BRS3: variants seen among roughly 807,000 people sequenced by gnomAD.
BRS3 encodes the protein bombesin receptor subtype-3.
A neutral mutation model predicts 18.8 loss-of-function variants in BRS3; 5 were observed. That is an observed-to-expected ratio of 0.27 (90% CI 0.14 to 0.56). The LOEUF is 0.56. Among genes scored for constraint, BRS3 ranks in the 20% least tolerant of loss-of-function variants. The pLI, the probability that BRS3 is intolerant of heterozygous loss-of-function variation, is 0.93. For synonymous variants in BRS3, 121 were observed against 115.0 expected, an observed-to-expected ratio of 1.05 and a Z score of -0.33; for missense variants, 215 against 296.3, an observed-to-expected ratio of 0.73 and a Z score of 2.01.
Position 136,491,942 on chromosome X carries a change from T to G in BRS3, c.787-20T>G. The G allele has an allele frequency of 1.9e-6, 1 of 535,101 alleles. No individual in the cohort carries two copies. The highest frequency in any genetic ancestry group is 2.7e-5 in the African/African-American group (1 of 37,493). 44.1% of individuals were successfully genotyped at this position (535,101 alleles called of 1,213,427 possible). On this transcript the variant is annotated intron_variant, in intron 2 of 2. Transcript: ENST00000370648. Reference sequence around the variant, plus strand: ...TTTTTTTTTTTTTTTTTTTTTTTGCTATGTTTCTTCCCCCTATAGATTGAA... The same window carrying G: ...TTTTTTTTTTTTTTTTTTTTTTTGCGATGTTTCTTCCCCCTATAGATTGAA...
In BRS3 at chrX:136,491,496, G is replaced by A. The variant is rs138232167; in HGVS notation, c.787-466G>A. Among the ~76,000 whole-genome samples the A allele has an allele frequency of 9.8e-3, 1,109 of 112,622 alleles. 9 individuals carry two copies. The highest frequency in any genetic ancestry group is 0.014 in the Non-Finnish European group (757 of 53,309). The stretch of plus-strand genomic sequence containing the variant: ...AGAGTAAAAACAATTTTAGTTACCA[G>A]CTTGGCAACTTTCATAGACCTCAAA... On this transcript the variant is annotated intron_variant, in intron 2 of 2. Transcript: ENST00000370648.
At chrX:136,491,848 A>G (rs1352778806) in intron 2 of BRS3, 114 bp from the exon 3 acceptor site, 23 of 798,178 alleles carry the variant, frequency 2.9e-5, no homozygotes, top group Non-Finnish European at 3.8e-5. Flanking sequence ...GTAAATTTAT[A>G]GGATAACTTT....
intron 2 of BRS3, 49 bp from the exon 3 acceptor site, chrX:136,491,913 G>GGTTTT (rs2075670791): frequency 6.9e-6 from 3 of 436,965 alleles, no homozygotes; most frequent in African/African-American, 8.1e-5. Context: ...TGTTTTTTGT[G>GGTTTT]TTTTTTTTTT....
chrX:136,490,536 T>C, intron 2 of BRS3, 52 bp downstream of exon 2: 2 of 969,482 alleles, frequency 2.1e-6, no homozygotes, highest in Non-Finnish European at 2.8e-6. Flanking sequence ...AGAAGTGAAG[T>C]TCCTACTTTT....
chrX:136,488,256 T>C lies in BRS3; in HGVS notation c.142T>C (p.Cys48Arg). 8.3e-7 allele frequency: 1 copy of C among 1,211,963 alleles called. No homozygotes were observed. Among genetic ancestry groups the C allele is most frequent in the Non-Finnish European group, 1.1e-6 (1 of 895,540 alleles). ...CAACTCTCCAGGAATAGAAGCATTG[T>C]GTGCCATCTATATTACTTATGCTGT... ...GDNSPGIEAL[C>R]AIYITYAVII... The change falls in exon 1 of 3, where the codon TGT (cysteine) becomes CGT (arginine). Residue 48 changes from cysteine to arginine, a missense_variant. This residue lies in a region of BRS3 where 47 missense variants were observed against 43.1 expected (regional missense o/e 1.09). Coordinates refer to ENST00000370648, the MANE Select transcript of BRS3 (RefSeq NM_001727.2).
At position 136,490,246 on chromosome X, in the gene BRS3, C is replaced by T. The variant is rs2075664586; in HGVS notation, c.548C>T (p.Ala183Val). The change falls in exon 2 of 3, where the codon GCT (alanine) becomes GTT (valine). Residue 183 changes from alanine (A) to valine (V), a missense_variant. Transcript: ENST00000370648. ...TCTATGATATTTGCTCTACCTGAGG[C>T]TATATTTTCAAATGTATACACTTTT... Reference protein sequence around the residue: ...IVSMIFALPEAIFSNVYTFRD... With the variant: ...IVSMIFALPEVIFSNVYTFRD... The T allele has an allele frequency of 2.5e-6, 3 of 1,211,080 alleles. No individual in the cohort carries two copies. In the South Asian group the frequency reaches 5.3e-5, roughly 21 times the overall value.
Position 136,492,210 on chromosome X carries a change from G to C in BRS3, c.1035G>C (p.Leu345Phe). The change falls in exon 3 of 3, where the codon TTG (leucine) becomes TTC (phenylalanine). Residue 345 changes from leucine to phenylalanine, a missense_variant. Leu to Phe is a conservative substitution (Grantham distance 22). Transcript: ENST00000370648. ...KSFQKHFKAQ[L>F]FCCKAERPEP... ...TCCAGAAGCATTTTAAAGCTCAGTT[G>C]TTCTGTTGCAAGGCGGAGCGGCCTG... 1.7e-6 allele frequency: 2 copies of C among 1,211,656 alleles called. No homozygotes were observed. The highest frequency in any genetic ancestry group is 2.2e-6 in the Non-Finnish European group (2 of 895,556).
rs773127350 is a variant in BRS3, at chrX:136,488,919, A to G, written c.434+371A>G. ...GCAGCCTAGTGGTGCAATATAGTCAACATGAAAACCAGGATAGGTGTGAAA... is the reference window on the plus strand; with the variant it reads ...GCAGCCTAGTGGTGCAATATAGTCAGCATGAAAACCAGGATAGGTGTGAAA... On this transcript the variant is annotated intron_variant, in intron 1 of 2. Transcript: ENST00000370648. Among the ~76,000 whole-genome samples the G allele has an allele frequency of 6.2e-5, 7 of 112,344 alleles. No individual in the cohort carries two copies. The South Asian group carries it at 2.6e-3, about 41-fold the overall frequency.
intron 2 of BRS3, 49 bp from the exon 3 acceptor site, chrX:136,491,913 G>GTTTTTTTTTGTT (rs2075671147): frequency 4.6e-6 from 2 of 431,735 alleles, no homozygotes; most frequent in Non-Finnish European, 2.8e-6. Context: ...TGTTTTTTGT[G>GTTTTTTTTTGTT]TTTTTTTTTT....
At position 136,490,217 on chromosome X, in the gene BRS3, C is replaced by A; in HGVS notation, c.519C>A (p.Ile173=). The A allele has an allele frequency of 8.3e-7, 1 of 1,211,030 alleles. No individual in the cohort carries two copies. Among genetic ancestry groups the A allele is most frequent in the Non-Finnish European group, 1.1e-6 (1 of 894,905 alleles). ...KTCVKAGCVW[I]VSMIFALPEA... ...GTGTAAAAGCTGGCTGCGTCTGGATCGTGTCTATGATATTTGCTCTACCTG... is the reference window on the plus strand; with the variant it reads ...GTGTAAAAGCTGGCTGCGTCTGGATAGTGTCTATGATATTTGCTCTACCTG... The change falls in exon 2 of 3, where the codon ATC becomes ATA. Residue 173 remains isoleucine, a synonymous_variant. Transcript: ENST00000370648.
intron 2 of BRS3, 41 bp from the exon 3 acceptor site, chrX:136,491,921 T>TG: frequency 1.7e-6 from 1 of 596,523 alleles, no homozygotes; most frequent in East Asian, 5.2e-5. Flanking sequence ...GTGTTTTTTT[T>TG]TTTTTTTTTT....
chrX:136,492,588 C>T lies in BRS3; in HGVS notation c.*213C>T, dbSNP rs1471157630. On this transcript the variant is annotated 3_prime_UTR_variant, in exon 3 of 3. Coordinates refer to ENST00000370648, the MANE Select transcript of BRS3 (RefSeq NM_001727.2). ...GCTTTCTAAATAAAATGAAGCCCCA[C>T]TAAGTGCAGAAAGACAAGTTTATAT... 8.6e-6 allele frequency: 3 copies of T among 350,668 alleles called. No individual in the cohort carries two copies. The highest frequency in any genetic ancestry group is 5.2e-5 in the African/African-American group (2 of 38,440). 28.9% of individuals were successfully genotyped at this position (350,668 alleles called of 1,213,427 possible). A position where few individuals can be genotyped will look rare whatever the true frequency, so the allele number is the denominator to read the frequency against.
Position 136,492,536 on chromosome X carries a change from TCAAAGTA to T in BRS3, c.*166_*172del. On this transcript the variant is annotated 3_prime_UTR_variant, in exon 3 of 3. Transcript: ENST00000370648. ...AGTAAAATACAAACCATTACTTTCT[TCAAAGTA>T]CAAATAGTAATGTCATCGGGCTTTC... 2 of 477,731 alleles carry T rather than the reference TCAAAGTA, an allele frequency of 4.2e-6. No homozygotes were observed. The highest frequency in any genetic ancestry group is 4.8e-5 in the African/African-American group (2 of 41,870). The allele number at this position is 477,731 out of a possible 1,213,427, so 39.4% of individuals were successfully genotyped here.
In BRS3 at chrX:136,492,392, G is replaced by A. The variant is rs377248590; in HGVS notation, c.*17G>A. 1 of 1,189,984 alleles carries A rather than the reference G, an allele frequency of 8.4e-7. No individual in the cohort carries two copies. The highest frequency in any genetic ancestry group is 1.7e-5 in the African/African-American group (1 of 57,568). On this transcript the variant is annotated 3_prime_UTR_variant, in exon 3 of 3. Coordinates refer to ENST00000370648, the MANE Select transcript of BRS3 (RefSeq NM_001727.2). ...AGATTCTAGCTTTTCAAGGAAAAAT[G>A]CTGCTTCTCCTCCCAGCGTGTGTAT...
chrX:136,489,696 A>G (rs2075663162), intron 1 of BRS3, among the ~76,000 whole-genome samples: 2 of 111,548 alleles, frequency 1.8e-5, no homozygotes, highest in African/African-American at 6.5e-5. Flanking sequence ...GAAGGTTGAT[A>G]ACTGTTCACT....
At position 136,493,698 on chromosome X, in the gene BRS3, G is replaced by C. The variant is rs914221659; in HGVS notation, c.*1323G>C. ...TGGTTTACTTAAAGTTGGGCGGGGG[G>C]TGTGATACTGTATTAGTATTGTTTT... On this transcript the variant is annotated 3_prime_UTR_variant, in exon 3 of 3. Transcript: ENST00000370648. 3 of 111,991 alleles carry C rather than the reference G, an allele frequency of 2.7e-5. No homozygotes were observed. Among genetic ancestry groups the C allele is most frequent in the East Asian group, 2.8e-4 (1 of 3,597 alleles). The allele number at this position is 111,991 out of a possible 1,213,427, so 9.2% of individuals were successfully genotyped here. A position where few individuals can be genotyped will look rare whatever the true frequency, so the allele number is the denominator to read the frequency against.
At position 136,492,453 on chromosome X, in the gene BRS3, G is replaced by C; in HGVS notation, c.*78G>C. 1 of 1,031,072 alleles carries C rather than the reference G, an allele frequency of 9.7e-7. No homozygotes were observed. Among genetic ancestry groups the C allele is most frequent in the Non-Finnish European group, 1.3e-6 (1 of 778,855 alleles). 85.0% of individuals were successfully genotyped at this position (1,031,072 alleles called of 1,213,427 possible). On this transcript the variant is annotated 3_prime_UTR_variant, in exon 3 of 3. Transcript: ENST00000370648. ...GCTGTGTGCAGGTGTATGGTGTCCA[G>C]ATTTTTGTTGTTTGAAAAGTGTGTT... is the stretch of plus-strand genomic sequence containing the variant.
chrX:136,490,696 G>A (rs1358829190), intron 2 of BRS3, among the ~76,000 whole-genome samples: 1 of 111,785 alleles, frequency 8.9e-6, no homozygotes, highest in East Asian at 2.8e-4. Flanking sequence ...CTGAGCCTCG[G>A]TTTCCTCATC....
intron 1 of BRS3, among the ~76,000 whole-genome samples, chrX:136,489,487 G>A (rs191256470): frequency 1.8e-5 from 2 of 111,489 alleles, no homozygotes; most frequent in East Asian, 5.6e-4. Context: ...AGGGCAGACT[G>A]GCTTAATGAC....
Sources: allele counts gnomAD v4.1 joint callset (sites outside exome capture counted in the v4.1 genomes callset), GRCh38; gene constraint gnomAD v4.1.1; regional missense constraint gnomAD v4.1.1; transcripts MANE v1.5; gene names NCBI Gene and HGNC (gene_info 2026-07-23, HGNC 2026-07-21).